LRRC4C: variants seen among roughly 807,000 people sequenced by gnomAD.
LRRC4C encodes the protein leucine-rich repeat-containing protein 4C.
Under a neutral mutation model 33.6 loss-of-function variants are expected in LRRC4C, and 5 were observed. The ratio of observed to expected loss-of-function variants is 0.15; its 90% confidence interval spans 0.08 to 0.31. The LOEUF (loss-of-function observed/expected upper bound fraction) is 0.31. Among genes scored for constraint, LRRC4C ranks in the 10% least tolerant of loss-of-function variants. The pLI is 1.00. For missense variants in LRRC4C, 560 were observed against 796.7 expected (o/e 0.70, Z 3.58); for synonymous variants, 329 against 302.0 (o/e 1.09, Z -0.93).
chr11:40,592,758 A>T (rs1364880373), intron 3 of LRRC4C, among the ~76,000 whole-genome samples: 1 of 152,136 alleles, frequency 6.6e-6, no homozygotes, highest in African/African-American at 2.4e-5. Context: ...GCATGCACAG[A>T]CTACTTCCAT....
At chr11:40,897,639 C>T (rs1352600871) in intron 2 of LRRC4C, among the ~76,000 whole-genome samples, 55 of 152,216 alleles carry the variant, frequency 3.6e-4, no homozygotes, top group Non-Finnish European at 1.5e-5. Flanking sequence ...CCATGTTTGG[C>T]ATTTGCATGG....
intron 1 of LRRC4C, among the ~76,000 whole-genome samples, chr11:41,114,278 A>G (rs1942002912): frequency 6.6e-6 from 1 of 152,062 alleles, no homozygotes. Context: ...ATTTACTACA[A>G]CAACAACAAA....
chr11:41,309,491 C>T (rs1473633849), intron 1 of LRRC4C, among the ~76,000 whole-genome samples: 1 of 152,020 alleles, frequency 6.6e-6, no homozygotes, highest in Non-Finnish European at 1.5e-5. Context: ...GGGGTTATAC[C>T]CAGAATATTT....
intron 1 of LRRC4C, among the ~76,000 whole-genome samples, chr11:41,143,304 A>G (rs1247517406): frequency 1.0e-5 from 1 of 96,810 alleles, no homozygotes; most frequent in African/African-American, 3.4e-5. Context: ...ATTTTCCAGA[A>G]CTAAGAAAGA....
At chr11:40,128,813 C>T (rs909517066) in intron 6 of LRRC4C, among the ~76,000 whole-genome samples, 52 of 152,296 alleles carry the variant, frequency 3.4e-4, no homozygotes, top group African/African-American at 1.2e-3. Flanking sequence ...GTTGGTTTTC[C>T]TTTTAATTCT....
intron 3 of LRRC4C, among the ~76,000 whole-genome samples, chr11:40,555,183 T>C (rs2135470313): frequency 6.6e-6 from 1 of 152,274 alleles, no homozygotes; most frequent in South Asian, 2.1e-4. Context: ...TCTAGAGCCA[T>C]ATCATCAGGA....
At chr11:40,656,472 C>CTTT (rs11371073) in intron 2 of LRRC4C, among the ~76,000 whole-genome samples, 5 of 144,358 alleles carry the variant, frequency 3.5e-5, no homozygotes, top group African/African-American at 5.1e-5. Context: ...AAGTGGGTCA[C>CTTT]TTTTTTTTTT....
At chr11:41,452,300 C>T (rs1956052129) in intron 1 of LRRC4C, among the ~76,000 whole-genome samples, 1 of 152,088 alleles carries the variant, frequency 6.6e-6, no homozygotes, top group African/African-American at 2.4e-5. Context: ...ATTGAAATCT[C>T]TCATCTTTAA....
intron 1 of LRRC4C, among the ~76,000 whole-genome samples, chr11:40,991,887 G>A (rs1244263642): frequency 1.3e-5 from 2 of 152,052 alleles, no homozygotes; most frequent in African/African-American, 4.8e-5. Context: ...CTCACCTCCT[G>A]CTGTGCAACC....
rs535565433 is a variant in LRRC4C at position 40,466,382 on chromosome 11, A to T, written c.-269-146661T>A. ...TGACCATGATGCAATATATCAATGT[A>T]ACAATACTTCCCTCGTAACCCCTAA... On this transcript the variant is annotated intron_variant, in intron 3 of 6. Transcript: ENST00000528697. Among the ~76,000 whole-genome samples the T allele has an allele frequency of 1.2e-4, 19 of 152,140 alleles. No individual in the cohort carries two copies. In the South Asian group the frequency reaches 3.7e-3, roughly 30 times the overall value.
chr11:40,553,922 G>T (rs559564270), intron 3 of LRRC4C, among the ~76,000 whole-genome samples: 13 of 151,952 alleles, frequency 8.6e-5, no homozygotes, highest in South Asian at 2.1e-4. Context: ...TTTCTTTTTT[G>T]TGTGTGTGCA....
intron 5 of LRRC4C, among the ~76,000 whole-genome samples, chr11:40,235,336 C>G (rs1367942855): frequency 1.3e-5 from 2 of 152,176 alleles, no homozygotes; most frequent in Non-Finnish European, 2.9e-5. Flanking sequence ...ATTAGCATAA[C>G]TATTATTTGT....
intron 3 of LRRC4C, among the ~76,000 whole-genome samples, chr11:40,360,826 T>C (rs774143555): frequency 6.6e-6 from 1 of 152,190 alleles, no homozygotes. Flanking sequence ...ATATCTTTGA[T>C]GAATATCAAT....
intron 3 of LRRC4C, among the ~76,000 whole-genome samples, chr11:40,343,631 T>A (rs977316246): frequency 6.8e-6 from 1 of 146,214 alleles, no homozygotes; most frequent in African/African-American, 2.5e-5. Flanking sequence ...GTTTTTAATA[T>A]GGAGTGATAT....
chr11:40,446,664 T>C (rs901746595), intron 3 of LRRC4C: 1 of 152,160 alleles, frequency 6.6e-6, no homozygotes, highest in Non-Finnish European at 1.5e-5. Flanking sequence ...TGGCTCATAG[T>C]TCTACATGGC....
chr11:41,086,302 T>C (rs1939984999), intron 1 of LRRC4C, among the ~76,000 whole-genome samples: 2 of 152,174 alleles, frequency 1.3e-5, no homozygotes, highest in Admixed American at 1.3e-4. Context: ...ATATAAATCA[T>C]TGTGTTCATT....
rs1393911351 is a variant in LRRC4C at position 40,334,513 on chromosome 11, T to C, written c.-269-14792A>G. ...AGAAGGTAATTACATTTTATTTTGCTGTCTACCTTCTATCTCATTAGGTGT... is the reference window on the plus strand; with the variant it reads ...AGAAGGTAATTACATTTTATTTTGCCGTCTACCTTCTATCTCATTAGGTGT... On this transcript the variant is annotated intron_variant, in intron 3 of 6. Transcript: ENST00000528697. 4.6e-5 allele frequency among the ~76,000 whole-genome samples: 7 copies of C among 152,328 alleles called. No homozygotes were observed. The East Asian group carries it at 1.4e-3, about 29-fold the overall frequency.
intron 5 of LRRC4C, among the ~76,000 whole-genome samples, chr11:40,219,614 G>A (rs1250773781): frequency 6.6e-6 from 1 of 152,170 alleles, no homozygotes; most frequent in East Asian, 1.9e-4. Context: ...AGGACATTAT[G>A]CTCAGTGAAA....
chr11:41,277,365 A>T (rs892250738), intron 1 of LRRC4C, among the ~76,000 whole-genome samples: 2 of 152,224 alleles, frequency 1.3e-5, no homozygotes, highest in African/African-American at 4.8e-5. Flanking sequence ...ATCACCCCAA[A>T]TCTCACAGAC....
Sources: allele counts gnomAD v4.1 joint callset (sites outside exome capture counted in the v4.1 genomes callset), GRCh38; gene constraint gnomAD v4.1.1; transcripts MANE v1.5; gene names NCBI Gene and HGNC (gene_info 2026-07-23, HGNC 2026-07-21).